Variants in RPH3AL observed in about 807,000 individuals in gnomAD.
The protein encoded by RPH3AL is rabphilin 3A like (without C2 domains).
A neutral mutation model predicts 43.1 loss-of-function variants in RPH3AL; 38 were observed. The observed-to-expected ratio is 0.88, with a 90% CI of 0.68 to 1.15. The LOEUF is 1.15. Ranked by LOEUF, RPH3AL falls within the 50% of genes most tolerant of loss-of-function variation. The probability of loss-of-function intolerance (pLI) is 0.00; values close to 1 mark genes in which losing one functional copy is unlikely to be tolerated. For missense variants in RPH3AL, 462 were observed against 423.2 expected (o/e 1.09, Z -0.81); for synonymous variants, 189 against 176.3 (o/e 1.07, Z -0.57).
chr17:305,965 TCCTCAG>T (rs745499139), intron 5 of RPH3AL, among the ~76,000 whole-genome samples: 13 of 149,190 alleles, frequency 8.7e-5, no homozygotes, highest in Non-Finnish European at 1.9e-4. Context: ...GCTCAAGCAA[TCCTCAG>T]CCTCAGCCTC....
intron 3 of RPH3AL, among the ~76,000 whole-genome samples, chr17:327,027 G>C (rs954987852): frequency 1.5e-4 from 23 of 152,358 alleles, no homozygotes; most frequent in Admixed American, 2.6e-4. Context: ...CCGTCTGACA[G>C]TGCCAAGCAC....
rs185132194 is a variant in RPH3AL at position 245,612 on chromosome 17, G to C, written c.613+1499C>G. On this transcript the variant is annotated intron_variant, in intron 7 of 9. Transcript: ENST00000331302. The surrounding 1 kb of genome is among the most constrained non-coding windows in gnomAD (Gnocchi z 5.9). ...CTCCAAGCAGCATTTTAAACCCACA[G>C]GTGTCCACCAGCTTCTGCTCCCACT... Among the ~76,000 whole-genome samples the C allele has an allele frequency of 6.6e-6, 1 of 152,094 alleles. No individual in the cohort carries two copies. The highest frequency in any genetic ancestry group is 1.5e-5 in the Non-Finnish European group (1 of 68,036).
chr17:350,846 C>T (rs2045340070), intron 1 of RPH3AL, among the ~76,000 whole-genome samples: 1 of 152,174 alleles, frequency 6.6e-6, no homozygotes, highest in Non-Finnish European at 1.5e-5. Context: ...AACCATAGGG[C>T]AGGAAACAGC....
At chr17:297,391 A>T (rs2043209778) in intron 5 of RPH3AL, among the ~76,000 whole-genome samples, 1 of 152,244 alleles carries the variant, frequency 6.6e-6, no homozygotes, top group Non-Finnish European at 1.5e-5. Flanking sequence ...CCCGATTCAC[A>T]GCCAGCTGCT....
rs569139678 is a variant in RPH3AL at position 296,764 on chromosome 17, T to A, written c.352-14910A>T. ...TTGTTTTGAAACTTCAAGTCACATA[T>A]GAAAAAAAGGGTGTGGAAGGGTTCT... On this transcript the variant is annotated intron_variant, in intron 5 of 9. Transcript: ENST00000331302. 4.6e-5 allele frequency among the ~76,000 whole-genome samples: 7 copies of A among 152,052 alleles called. No individual in the cohort carries two copies. The East Asian group carries it at 5.8e-4, about 13-fold the overall frequency.
At chr17:338,922 G>C (rs1010734064) in intron 1 of RPH3AL, 1 of 152,534 alleles carries the variant, frequency 6.6e-6, no homozygotes, top group East Asian at 1.9e-4. Context: ...CAGGCCCCGG[G>C]GGGCAGCGTC....
At chr17:238,148 AAAAG>A (rs929945095) in intron 7 of RPH3AL, among the ~76,000 whole-genome samples, 1 of 143,998 alleles carries the variant, frequency 6.9e-6, no homozygotes, top group Non-Finnish European at 1.5e-5. Context: ...AGAAAGAAAG[AAAAG>A]AAAGAAAGAA....
At chr17:241,034 C>A (rs184290885) in intron 7 of RPH3AL, among the ~76,000 whole-genome samples, 1 of 146,922 alleles carries the variant, frequency 6.8e-6, no homozygotes. Context: ...TCCAGCCTGG[C>A]GACAGAGTGA....
At chr17:238,092 G>C (rs944790626) in intron 7 of RPH3AL, among the ~76,000 whole-genome samples, 10 of 151,830 alleles carry the variant, frequency 6.6e-5, no homozygotes, top group Non-Finnish European at 1.3e-4. Flanking sequence ...AGCTGAGACT[G>C]AGCCACTGTA....
intron 5 of RPH3AL, among the ~76,000 whole-genome samples, chr17:300,142 C>T (rs1325322665): frequency 4.4e-5 from 3 of 68,610 alleles, no homozygotes; most frequent in South Asian, 6.9e-4. Context: ...AGGGGCTGGC[C>T]CAGCCTAGGC....
At chr17:316,857 T>C (rs867292655) in intron 5 of RPH3AL, among the ~76,000 whole-genome samples, 374 of 12,546 alleles carry the variant, frequency 0.03, no homozygotes, top group Middle Eastern at 0.12. Context: ...CCTCCAGTGA[T>C]GTGTAGTCCC....
chr17:321,637 GTGT>G (rs1208994943), intron 3 of RPH3AL: 37 of 474,352 alleles, frequency 7.8e-5, no homozygotes, highest in South Asian at 2.7e-4. Flanking sequence ...CCCAGGTTCC[GTGT>G]GCCGGGGTTG....
At chr17:293,364 G>A (rs1242744198) in intron 5 of RPH3AL, among the ~76,000 whole-genome samples, 1 of 152,178 alleles carries the variant, frequency 6.6e-6, no homozygotes, top group East Asian at 1.9e-4. Context: ...AAGAAATCAT[G>A]ACTTGGACGG....
chr17:251,824 C>T (rs2041908613), intron 6 of RPH3AL, among the ~76,000 whole-genome samples: 1 of 152,254 alleles, frequency 6.6e-6, no homozygotes. Context: ...AGCACGTCAC[C>T]TCCCTGTCCT....
rs187816508 is a variant in RPH3AL at position 322,104 on chromosome 17, G to A, written c.78-689C>T. ...GGAAGCGAGTTACAGAAGAGGAGCC[G>A]TGGTGAGGGCAGGTGAGGGCGGGCA... On this transcript the variant is annotated intron_variant, in intron 3 of 9. Coordinates refer to ENST00000331302, the MANE Select transcript of RPH3AL (RefSeq NM_006987.4). The surrounding 1 kb of genome is among the most constrained non-coding windows in gnomAD (Gnocchi z 4.0). 4.2e-3 allele frequency among the ~76,000 whole-genome samples: 639 copies of A among 152,304 alleles called. 3 individuals carry two copies. The highest frequency in any genetic ancestry group is 6.9e-3 in the Non-Finnish European group (471 of 68,020).
intron 2 of RPH3AL, chr17:331,952 G>A: frequency 1.8e-6 from 2 of 1,106,788 alleles, no homozygotes; most frequent in Non-Finnish European, 2.4e-6. Context: ...AGCAGGGAAG[G>A]CAAACCCCCA....
Position 225,917 on chromosome 17 carries a change from A to C in RPH3AL, c.614-6181T>G, listed in dbSNP as rs1221346808. 2.6e-5 allele frequency among the ~76,000 whole-genome samples: 4 copies of C among 152,170 alleles called. No individual in the cohort carries two copies. Among genetic ancestry groups the C allele is most frequent in the African/African-American group, 9.7e-5 (4 of 41,446 alleles). ...GGTTAGGGAGGTGAGCTCACCCTCC[A>C]TCTCCCCACTCTTCCTTGTTCTGTC... On this transcript the variant is annotated intron_variant, in intron 7 of 9. Coordinates refer to ENST00000331302, the MANE Select transcript of RPH3AL (RefSeq NM_006987.4). The surrounding 1 kb of genome is among the most constrained non-coding windows in gnomAD (Gnocchi z 4.4).
At chr17:281,482 C>T (rs1372116581) in intron 6 of RPH3AL, among the ~76,000 whole-genome samples, 2 of 151,830 alleles carry the variant, frequency 1.3e-5, no homozygotes, top group East Asian at 1.9e-4. Context: ...ACTCACAGTG[C>T]GAGGGGCTTC....
intron 7 of RPH3AL, among the ~76,000 whole-genome samples, chr17:235,914 GGGGTCGGCC>G (rs1242277355): frequency 1.4e-5 from 2 of 147,780 alleles, no homozygotes; most frequent in African/African-American, 2.5e-5. Context: ...GTTCAAAGCT[GGGGTCGGCC>G]GAGGCTCCGC....
Sources: gnomAD v4.1 joint callset for allele counts (sites outside exome capture counted in the v4.1 genomes callset) on GRCh38, gnomAD v4.1.1 for gene constraint, Gnocchi (gnomAD v3.1) non-coding constraint, MANE v1.5 for transcripts, NCBI Gene and HGNC (gene_info 2026-07-23, HGNC 2026-07-21) for gene names.